The following KIF6 variants were observed in gnomAD, a reference collection of about 807,000 sequenced individuals.
The protein encoded by KIF6 is kinesin-like protein KIF6.
Under a neutral mutation model 112.7 loss-of-function variants are expected in KIF6, and 106 were observed. The ratio of observed to expected loss-of-function variants is 0.94; its 90% CI spans 0.80 to 1.11. The LOEUF is 1.11. KIF6 is among the 50% of genes least tolerant of loss of function. The probability of loss-of-function intolerance (pLI) is 0.00; values close to 1 mark genes in which losing one functional copy is unlikely to be tolerated. For synonymous variants in KIF6, 339 were observed against 339.9 expected (o/e 1.00, Z 0.03); for missense variants, 929 against 964.0 (o/e 0.96, Z 0.48).
At chr6:39,472,614 G>A (rs1453908900) in intron 13 of KIF6, among the ~76,000 whole-genome samples, 1 of 151,972 alleles carries the variant, frequency 6.6e-6, no homozygotes, top group Non-Finnish European at 1.5e-5. Flanking sequence ...CCCTTCCCAC[G>A]AATATAAAAA....
intron 15 of KIF6, among the ~76,000 whole-genome samples, chr6:39,405,593 A>G (rs761892756): frequency 7.9e-5 from 12 of 152,092 alleles, no homozygotes; most frequent in Non-Finnish European, 1.3e-4. Context: ...CTTTTTATAT[A>G]TTGTTGTATT....
chr6:39,676,867 T>C (rs1787171331), intron 3 of KIF6, among the ~76,000 whole-genome samples: 1 of 151,820 alleles, frequency 6.6e-6, no homozygotes, highest in African/African-American at 2.4e-5. Context: ...AAAGGTTAAA[T>C]TGAAAAGTAA....
chr6:39,634,300 T>G (rs140213597), intron 5 of KIF6, among the ~76,000 whole-genome samples: 1 of 152,268 alleles, frequency 6.6e-6, no homozygotes, highest in Non-Finnish European at 1.5e-5. Context: ...GGTAACTTGC[T>G]CCATTATTAG....
At chr6:39,532,562 G>T (rs545096845) in intron 13 of KIF6, among the ~76,000 whole-genome samples, 3 of 152,286 alleles carry the variant, frequency 2.0e-5, no homozygotes, top group African/African-American at 7.2e-5. Context: ...AGCAAGTTTG[G>T]TTTCCTGGGA....
intron 13 of KIF6, among the ~76,000 whole-genome samples, chr6:39,439,042 C>T (rs980783758): frequency 6.6e-6 from 1 of 152,192 alleles, no homozygotes; most frequent in Non-Finnish European, 1.5e-5. Context: ...GTAGTCTATA[C>T]TATCTAGGTT....
At chr6:39,631,168 G>A (rs967921838) in intron 5 of KIF6, among the ~76,000 whole-genome samples, 1 of 151,120 alleles carries the variant, frequency 6.6e-6, no homozygotes, top group African/African-American at 2.4e-5. Context: ...TTGGTATTTG[G>A]ATAATGCTGG....
intron 13 of KIF6, among the ~76,000 whole-genome samples, chr6:39,450,964 T>C (rs897593838): frequency 6.6e-6 from 1 of 152,252 alleles, no homozygotes; most frequent in East Asian, 1.9e-4. Flanking sequence ...TAATCCTTTT[T>C]TCGTCAGTAG....
At chr6:39,337,172 C>CTTCTTTCTTTCTTTCT (rs71543959) in intron 22 of KIF6, among the ~76,000 whole-genome samples, 3,588 of 59,290 alleles carry the variant, frequency 0.061, 272 homozygotes, top group Non-Finnish European at 0.075. Flanking sequence ...TCTTTCCTTC[C>CTTCTTTCTTTCTTTCT]TTCTTTCTTT....
At chr6:39,491,144 G>A (rs961808466) in intron 13 of KIF6, among the ~76,000 whole-genome samples, 1 of 152,142 alleles carries the variant, frequency 6.6e-6, no homozygotes, top group African/African-American at 2.4e-5. Context: ...AAGTCACTCT[G>A]CAGGGGTTCT....
At chr6:39,518,138 A>T (rs898279472) in intron 13 of KIF6, among the ~76,000 whole-genome samples, 9 of 152,224 alleles carry the variant, frequency 5.9e-5, no homozygotes, top group African/African-American at 1.9e-4. Context: ...CTGGAACACT[A>T]AGTGTGGAAG....
At chr6:39,416,662 T>G (rs1769944996) in intron 15 of KIF6, among the ~76,000 whole-genome samples, 1 of 152,220 alleles carries the variant, frequency 6.6e-6, no homozygotes, top group Admixed American at 6.5e-5. Flanking sequence ...AAGTTCAGAC[T>G]GATTATGCCA....
intron 3 of KIF6, among the ~76,000 whole-genome samples, chr6:39,711,762 T>C (rs908984435): frequency 5.3e-5 from 8 of 152,108 alleles, no homozygotes; most frequent in Non-Finnish European, 1.2e-4. Context: ...AACTTTGAGA[T>C]AATTAAAATA....
chr6:39,500,309 C>T (rs1776048923), intron 13 of KIF6, among the ~76,000 whole-genome samples: 1 of 152,292 alleles, frequency 6.6e-6, no homozygotes, highest in Middle Eastern at 3.4e-3. Flanking sequence ...GACAGGTACA[C>T]TTCACATCGG....
rs1191617251 is a variant in KIF6 at position 39,362,523 on chromosome 6, A to T, written c.1862-5T>A. ...CGGCCATGTTTTCCGAGATTCCTGT[A>T]GAAGGAAGGTGCCAATGGGATGGTG... is the stretch of plus-strand genomic sequence containing the variant. On this transcript the variant is annotated splice_region_variant and splice_polypyrimidine_tract_variant and intron_variant, in intron 16 of 22. Coordinates refer to ENST00000287152, the MANE Select transcript of KIF6 (RefSeq NM_145027.6). 6.2e-7 allele frequency: 1 copy of T among 1,607,170 alleles called. No homozygotes were observed. Among genetic ancestry groups the T allele is most frequent in the Non-Finnish European group, 8.5e-7 (1 of 1,173,634 alleles).
chr6:39,455,045 G>A (rs1772972107), intron 13 of KIF6, among the ~76,000 whole-genome samples: 5 of 149,994 alleles, frequency 3.3e-5, no homozygotes, highest in Admixed American at 1.3e-4. Flanking sequence ...GCCTGCCTCT[G>A]TAGGCTCCAC....
At chr6:39,483,131 A>G (rs1774902915) in intron 13 of KIF6, among the ~76,000 whole-genome samples, 1 of 152,256 alleles carries the variant, frequency 6.6e-6, no homozygotes, top group African/African-American at 2.4e-5. Context: ...CTGTTTTAAA[A>G]GAAAATATTC....
chr6:39,537,140 C>G (rs907488686), intron 13 of KIF6, among the ~76,000 whole-genome samples: 1 of 152,112 alleles, frequency 6.6e-6, no homozygotes. Context: ...GAAGCATTCC[C>G]TTTGAAAACT....
At chr6:39,632,425 C>T (rs1175021897) in intron 5 of KIF6, among the ~76,000 whole-genome samples, 1 of 152,036 alleles carries the variant, frequency 6.6e-6, no homozygotes, top group African/African-American at 2.4e-5. Context: ...GGTCAACAGA[C>T]ATTTTGCCTA....
chr6:39,507,610 CTCCTT>C (rs71659732), intron 13 of KIF6, among the ~76,000 whole-genome samples: 13,115 of 39,356 alleles, frequency 0.33, 4,764 homozygotes, highest in South Asian at 0.61. Flanking sequence ...GGAAGCTTAT[CTCCTT>C]TCCTTTCCTT....
Sources: gnomAD v4.1 joint callset for allele counts (sites outside exome capture counted in the v4.1 genomes callset) on GRCh38, gnomAD v4.1.1 for gene constraint, MANE v1.5 for transcripts, NCBI Gene and HGNC (gene_info 2026-07-23, HGNC 2026-07-21) for gene names.